Variants in TRDN observed in about 807,000 individuals in gnomAD.
TRDN encodes triadin.
In TRDN, 161 loss-of-function variants were observed where a neutral mutation model predicts 149.7. That is an observed-to-expected ratio of 1.08 (90% CI 0.95 to 1.23). The LOEUF (loss-of-function observed/expected upper bound fraction) is 1.23. TRDN is among the 50% of genes most tolerant of loss of function. TRDN has a pLI of 0.00. For missense variants in TRDN, 896 were observed against 823.5 expected, an observed-to-expected ratio of 1.09 and a Z score of -1.08; for synonymous variants, 294 against 250.5, an observed-to-expected ratio of 1.17 and a Z score of -1.64.
chr6:123,475,206 T>TA (rs1777410274), intron 9 of TRDN, among the ~76,000 whole-genome samples: 1 of 142,296 alleles, frequency 7.0e-6, no homozygotes, highest in African/African-American at 2.6e-5. Context: ...ATAGACGCAA[T>TA]AAAAAATGAT....
At chr6:123,521,727 C>G (rs932795747) in intron 5 of TRDN, among the ~76,000 whole-genome samples, 2 of 152,094 alleles carry the variant, frequency 1.3e-5, no homozygotes, top group Non-Finnish European at 2.9e-5. Flanking sequence ...TGTGTCTTCC[C>G]TGTTAAGCTT....
rs540592132 is a variant in TRDN, at chr6:123,584,945, G to A, written c.23-13813C>T. On this transcript the variant is annotated intron_variant, in intron 1 of 40. Coordinates refer to ENST00000334268, the MANE Select transcript of TRDN (RefSeq NM_006073.4). The stretch of plus-strand genomic sequence containing the variant: ...TTAGGACAGGTAAAATGGGGGAATT[G>A]TAAGGAGAGTTTATAGGCTTTAAAT... Among the ~76,000 whole-genome samples the A allele has an allele frequency of 4.7e-3, 712 of 152,242 alleles. 3 individuals are homozygous for A. The highest frequency in any genetic ancestry group is 0.017 in the Middle Eastern group (5 of 294).
intron 21 of TRDN, chr6:123,351,328 G>T (rs1339407561): frequency 3.1e-6 from 3 of 956,594 alleles, no homozygotes. Context: ...GCAGATCAGG[G>T]ATAATTACCT....
rs1040632260 is a variant in TRDN at position 123,557,660 on chromosome 6, C to T, written c.233-9048G>A. 2.0e-5 allele frequency among the ~76,000 whole-genome samples: 3 copies of T among 152,090 alleles called. 1 individual carries two copies. Among genetic ancestry groups the T allele is most frequent in the Admixed American group, 1.3e-4 (2 of 15,266 alleles). On this transcript the variant is annotated intron_variant, in intron 2 of 40. Coordinates refer to ENST00000334268, the MANE Select transcript of TRDN (RefSeq NM_006073.4). ...GGACAACTGCCTGATTATTCACCCACGTTTCAGAGGTGTGTGACCACGTGG... is the reference window on the plus strand; with the variant it reads ...GGACAACTGCCTGATTATTCACCCATGTTTCAGAGGTGTGTGACCACGTGG...
intron 9 of TRDN, among the ~76,000 whole-genome samples, chr6:123,472,461 C>A (rs1296464638): frequency 6.6e-6 from 1 of 152,234 alleles, no homozygotes; most frequent in Non-Finnish European, 1.5e-5. Context: ...ATTGCTAGCA[C>A]AGCAGTCTGA....
At chr6:123,283,497 C>A in intron 24 of TRDN, among the ~76,000 whole-genome samples, 1 of 151,080 alleles carries the variant, frequency 6.6e-6, no homozygotes, top group Non-Finnish European at 1.5e-5. Context: ...TTGAAACAAA[C>A]AAAAAATATA....
At chr6:123,282,726 C>T (rs1777629822) in intron 24 of TRDN, among the ~76,000 whole-genome samples, 1 of 151,482 alleles carries the variant, frequency 6.6e-6, no homozygotes, top group South Asian at 2.1e-4. Flanking sequence ...AGAAACTGCT[C>T]TATTAGATCA....
chr6:123,226,205 A>G (rs1210014844), intron 38 of TRDN, among the ~76,000 whole-genome samples: 1 of 151,826 alleles, frequency 6.6e-6, no homozygotes, highest in Non-Finnish European at 1.5e-5. Context: ...TGAACTGCTT[A>G]ATCAACTGCT....
chr6:123,262,109 A>G (rs1776793116), intron 33 of TRDN, among the ~76,000 whole-genome samples: 2 of 151,962 alleles, frequency 1.3e-5, no homozygotes. Flanking sequence ...ATTGTTGCAT[A>G]TTTACTATTG....
intron 9 of TRDN, among the ~76,000 whole-genome samples, chr6:123,476,750 A>G (rs1777497743): frequency 6.7e-6 from 1 of 149,270 alleles, no homozygotes; most frequent in Non-Finnish European, 1.5e-5. Flanking sequence ...CTCAGAAATA[A>G]CGCCGCATAT....
chr6:123,385,475 T>C (rs1464664561), intron 14 of TRDN, among the ~76,000 whole-genome samples: 2 of 151,826 alleles, frequency 1.3e-5, no homozygotes, highest in Non-Finnish European at 2.9e-5. Context: ...CCAATTTATA[T>C]TGAAGGGAAA....
chr6:123,347,484 G>A (rs1780298911), intron 21 of TRDN, among the ~76,000 whole-genome samples: 1 of 151,712 alleles, frequency 6.6e-6, no homozygotes, highest in Admixed American at 6.6e-5. Context: ...ATTTAATTTG[G>A]TACCCAATAG....
intron 13 of TRDN, among the ~76,000 whole-genome samples, chr6:123,391,233 T>C (rs773399467): frequency 3.7e-4 from 56 of 152,136 alleles, no homozygotes; most frequent in Non-Finnish European, 6.0e-4. Flanking sequence ...TCAACATTCA[T>C]CCACTGAAGA....
intron 20 of TRDN, among the ~76,000 whole-genome samples, chr6:123,355,601 T>G (rs1307207882): frequency 1.3e-5 from 2 of 151,726 alleles, no homozygotes; most frequent in African/African-American, 4.8e-5. Flanking sequence ...CTTAGACATT[T>G]GCTTTTTCAT....
Position 123,636,831 on chromosome 6 carries a change from A to C in TRDN, c.-56T>G, listed in dbSNP as rs958743270. ...AAGTTCCCGTCAAGTTGCACTTTGC[A>C]GAGTATTTGGGGATTTGAGAACTCT... On this transcript the variant is annotated 5_prime_UTR_variant, in exon 1 of 41. Transcript: ENST00000334268. 1 of 1,608,824 alleles carries C rather than the reference A, an allele frequency of 6.2e-7. No individual in the cohort carries two copies. The highest frequency in any genetic ancestry group is 8.5e-7 in the Non-Finnish European group (1 of 1,176,180).
Position 123,266,438 on chromosome 6 carries a change from TAATATATAGATTATG to T in TRDN, c.1784-1115_1784-1101del, listed in dbSNP as rs1434805168. On this transcript the variant is annotated intron_variant, in intron 32 of 40. Coordinates refer to ENST00000334268, the MANE Select transcript of TRDN (RefSeq NM_006073.4). ...TATAGATTATGATATGTATTATATA[TAATATATAGATTATG>T]ATATGTATTATATATAATATATATA... 9.4e-5 allele frequency among the ~76,000 whole-genome samples: 9 copies of T among 95,408 alleles called. 1 individual carries two copies. The highest frequency in any genetic ancestry group is 1.4e-4 in the African/African-American group (3 of 21,202). 62.6% of individuals were successfully genotyped at this position (95,408 alleles called of 152,430 possible).
intron 24 of TRDN, among the ~76,000 whole-genome samples, chr6:123,305,871 C>G (rs1251060317): frequency 6.6e-6 from 1 of 152,052 alleles, no homozygotes; most frequent in Non-Finnish European, 1.5e-5. Flanking sequence ...TACTGGTAAT[C>G]CTTTTGGTAA....
At chr6:123,412,882 T>C (rs1773500450) in intron 12 of TRDN, among the ~76,000 whole-genome samples, 1 of 152,154 alleles carries the variant, frequency 6.6e-6, no homozygotes, top group Admixed American at 6.6e-5. Flanking sequence ...AAAAATTATG[T>C]TCGGTTCATT....
chr6:123,349,520 A>G (rs1582902511), intron 21 of TRDN: 17 of 896,914 alleles, frequency 1.9e-5, no homozygotes, highest in Non-Finnish European at 2.3e-5. Flanking sequence ...CAACAGCATG[A>G]CTTAGTCAAC....
Sources: allele counts gnomAD v4.1 joint callset (sites outside exome capture counted in the v4.1 genomes callset), GRCh38; gene constraint gnomAD v4.1.1; transcripts MANE v1.5; gene names NCBI Gene and HGNC (gene_info 2026-07-23, HGNC 2026-07-21).